FRMD4A: variants seen among roughly 807,000 people sequenced by gnomAD.
FRMD4A encodes the protein FERM domain containing 4A, also known as FERM domain-containing protein 4A.
A neutral mutation model predicts 129.1 loss-of-function variants in FRMD4A; 29 were observed. The observed-to-expected ratio is 0.22, with a 90% CI of 0.17 to 0.31. The LOEUF is 0.31. FRMD4A is among the 10% of genes least tolerant of loss of function. FRMD4A has a pLI of 1.00. For synonymous variants in FRMD4A, 634 were observed against 571.6 expected (o/e 1.11, Z -1.56); for missense variants, 1,272 against 1,375.8 (o/e 0.92, Z 1.19).
At chr10:13,732,689 G>A (rs1373542459) in intron 12 of FRMD4A, among the ~76,000 whole-genome samples, 1 of 152,228 alleles carries the variant, frequency 6.6e-6, no homozygotes. Context: ...AGCATCCCTG[G>A]AGGCTCGAGG....
chr10:14,038,112 G>C (rs1437391971), intron 2 of FRMD4A, among the ~76,000 whole-genome samples: 1 of 152,168 alleles, frequency 6.6e-6, no homozygotes, highest in Non-Finnish European at 1.5e-5. Context: ...CACGAAGTCA[G>C]GAGATCGAGA....
chr10:13,893,503 G>A (rs1219901975), intron 2 of FRMD4A, among the ~76,000 whole-genome samples: 6 of 152,118 alleles, frequency 3.9e-5, no homozygotes, highest in Admixed American at 3.9e-4. Context: ...GGACAATGAG[G>A]AAATGTTCAG....
intron 2 of FRMD4A, among the ~76,000 whole-genome samples, chr10:14,138,311 C>T (rs928907469): frequency 1.3e-5 from 2 of 152,166 alleles, no homozygotes; most frequent in African/African-American, 4.8e-5. Context: ...CTACTGGGTC[C>T]AGCTGACAAA....
At chr10:13,732,576 G>A (rs1213880761) in intron 12 of FRMD4A, among the ~76,000 whole-genome samples, 1 of 152,250 alleles carries the variant, frequency 6.6e-6, no homozygotes, top group Non-Finnish European at 1.5e-5. Context: ...GTCAGGGAGG[G>A]CCTCTGTCTG....
At chr10:14,300,257 A>G (rs1286325229) in intron 2 of FRMD4A, among the ~76,000 whole-genome samples, 3 of 152,062 alleles carry the variant, frequency 2.0e-5, no homozygotes, top group Admixed American at 2.0e-4. Context: ...TTATTCTGTA[A>G]CAGTCAACTC....
At chr10:14,229,889 A>G (rs1227407330) in intron 2 of FRMD4A, among the ~76,000 whole-genome samples, 1 of 152,212 alleles carries the variant, frequency 6.6e-6, no homozygotes, top group Admixed American at 6.5e-5. Context: ...TCCTCTCTAC[A>G]TGGGGTCATT....
At chr10:13,785,812 C>T (rs2092843128) in intron 5 of FRMD4A, among the ~76,000 whole-genome samples, 1 of 151,830 alleles carries the variant, frequency 6.6e-6, no homozygotes, top group African/African-American at 2.4e-5. Flanking sequence ...TGATGTTCCC[C>T]ACCCTGTGTC....
At chr10:14,241,525 C>T (rs548619773) in intron 2 of FRMD4A, among the ~76,000 whole-genome samples, 1 of 151,682 alleles carries the variant, frequency 6.6e-6, no homozygotes, top group African/African-American at 2.4e-5. Flanking sequence ...AAAAAGTAGT[C>T]TTCTATTCTT....
chr10:13,662,275 A>T (rs2082692894), intron 19 of FRMD4A, among the ~76,000 whole-genome samples: 1 of 152,024 alleles, frequency 6.6e-6, no homozygotes. Flanking sequence ...TTCCAATCTG[A>T]TTTCTAATAG....
At chr10:13,902,149 TG>T (rs2094826890) in intron 2 of FRMD4A, among the ~76,000 whole-genome samples, 2 of 88,980 alleles carry the variant, frequency 2.2e-5, no homozygotes, top group South Asian at 7.8e-4. Context: ...CCTGAGTAGC[TG>T]GGGCTACAGG....
At chr10:14,060,693 T>A (rs56055949) in intron 2 of FRMD4A, among the ~76,000 whole-genome samples, 20,242 of 152,104 alleles carry the variant, frequency 0.13, 1,561 homozygotes, top group African/African-American at 0.21. Flanking sequence ...TTTCCATATA[T>A]GGGAATTTGG....
intron 2 of FRMD4A, among the ~76,000 whole-genome samples, chr10:13,948,407 C>T (rs1430410329): frequency 6.6e-6 from 1 of 151,990 alleles, no homozygotes; most frequent in Non-Finnish European, 1.5e-5. Flanking sequence ...AAGGTCTTTG[C>T]TGCTGAAATC....
chr10:13,854,748 T>C (rs548575581), intron 3 of FRMD4A, among the ~76,000 whole-genome samples: 1 of 152,288 alleles, frequency 6.6e-6, no homozygotes, highest in South Asian at 2.1e-4. Flanking sequence ...AGGCTTTTTT[T>C]AAAGTACATT....
At chr10:14,079,966 C>T (rs1303892171) in intron 2 of FRMD4A, among the ~76,000 whole-genome samples, 3 of 152,134 alleles carry the variant, frequency 2.0e-5, no homozygotes, top group East Asian at 3.9e-4. Context: ...GTGTCCATTG[C>T]GCCCAACACC....
At chr10:14,054,013 A>AT (rs34258313) in intron 2 of FRMD4A, among the ~76,000 whole-genome samples, 4 of 151,934 alleles carry the variant, frequency 2.6e-5, no homozygotes, top group East Asian at 1.9e-4. Flanking sequence ...TCCCTACAAA[A>AT]TTTTTTTTTA....
chr10:13,726,374 C>T (rs2089894372), intron 12 of FRMD4A, among the ~76,000 whole-genome samples: 2 of 152,206 alleles, frequency 1.3e-5, no homozygotes. Context: ...TACAAAACAT[C>T]TCTCTCTTTT....
chr10:13,891,582 T>C, intron 2 of FRMD4A: 4 of 985,082 alleles, frequency 4.1e-6, no homozygotes, highest in Non-Finnish European at 4.8e-6. Context: ...CTGCCGTCAG[T>C]CGCCTCCCTG....
intron 2 of FRMD4A, among the ~76,000 whole-genome samples, chr10:14,070,240 T>C (rs1588906349): frequency 1.3e-5 from 2 of 151,788 alleles, no homozygotes; most frequent in South Asian, 2.1e-4. Context: ...CTGTGAGGTG[T>C]AATCCAGCAC....
At chr10:13,694,481 T>G (rs551029647) in intron 14 of FRMD4A, among the ~76,000 whole-genome samples, 1 of 152,330 alleles carries the variant, frequency 6.6e-6, no homozygotes, top group Admixed American at 6.5e-5. Context: ...CCTCCTTATC[T>G]GCCTGGCACA....
Sources: allele counts gnomAD v4.1 joint callset (sites outside exome capture counted in the v4.1 genomes callset), GRCh38; gene constraint gnomAD v4.1.1; transcripts MANE v1.5; gene names NCBI Gene and HGNC (gene_info 2026-07-23, HGNC 2026-07-21).